GRIN2A: variants seen among roughly 807,000 people sequenced by gnomAD.
GRIN2A encodes glutamate receptor ionotropic, NMDA 2A.
Under a neutral mutation model 113.4 loss-of-function variants are expected in GRIN2A, and 22 were observed. The observed-to-expected ratio is 0.19, with a 90% CI of 0.14 to 0.28. GRIN2A has a LOEUF of 0.28. Among genes scored for constraint, GRIN2A ranks in the 10% least tolerant of loss-of-function variants. GRIN2A has a pLI of 1.00. For missense variants in GRIN2A, 1,502 were observed against 1,887.0 expected, an observed-to-expected ratio of 0.80 and a Z score of 3.78; for synonymous variants, 827 against 738.4, an observed-to-expected ratio of 1.12 and a Z score of -1.94.
At chr16:9,778,504 T>C (rs1470624698) in intron 11 of GRIN2A, among the ~76,000 whole-genome samples, 1 of 152,106 alleles carries the variant, frequency 6.6e-6, no homozygotes. Context: ...CACAAAGGAG[T>C]TCTTGTGTTT....
At chr16:10,120,019 T>C (rs2048804754) in intron 2 of GRIN2A, among the ~76,000 whole-genome samples, 1 of 152,210 alleles carries the variant, frequency 6.6e-6, no homozygotes, top group Non-Finnish European at 1.5e-5. Flanking sequence ...GTATTTGCTA[T>C]TGTGAATAGG....
At chr16:10,085,331 C>G (rs1397943149) in intron 2 of GRIN2A, among the ~76,000 whole-genome samples, 2 of 152,094 alleles carry the variant, frequency 1.3e-5, no homozygotes, top group Non-Finnish European at 2.9e-5. Flanking sequence ...TATACATACT[C>G]AAGTTATAGG....
chr16:9,807,442 ACAGAG>A (rs2042005135), intron 10 of GRIN2A, among the ~76,000 whole-genome samples: 1 of 150,780 alleles, frequency 6.6e-6, no homozygotes, highest in African/African-American at 2.4e-5. Context: ...AGAGACAGAG[ACAGAG>A]AGAGAGAGAA....
intron 3 of GRIN2A, among the ~76,000 whole-genome samples, chr16:9,929,258 G>T (rs543507054): frequency 9.9e-5 from 15 of 151,302 alleles, no homozygotes; most frequent in African/African-American, 3.2e-4. Context: ...TCTTCTCTCT[G>T]ATTGCCTACT....
chr16:9,763,813 T>C lies in GRIN2A; in HGVS notation c.3731A>G (p.Asn1244Ser). 6.2e-7 allele frequency: 1 copy of C among 1,614,000 alleles called. No individual in the cohort carries two copies. The highest frequency in any genetic ancestry group is 1.1e-5 in the South Asian group (1 of 91,072). Residue 1244 changes from asparagine to serine, a missense_variant, in exon 13 of 13, where the codon AAC becomes AGC. This residue lies in a region of GRIN2A where 832 missense variants were observed against 789.7 expected (regional missense o/e 1.05). Transcript: ENST00000330684. ...FKCDACLRMG[N>S]LYDIDEDQML... is the part of the protein sequence containing the mutation. The stretch of plus-strand genomic sequence containing the variant: ...CTGGTCTTCATCGATGTCATAGAGG[T>C]TCCCCATCCGCAGGCAGGCATCGCA...
chr16:9,789,024 G>C (rs939119092), intron 11 of GRIN2A, among the ~76,000 whole-genome samples: 3 of 152,144 alleles, frequency 2.0e-5, no homozygotes, highest in African/African-American at 7.2e-5. Flanking sequence ...TTACAGGTGT[G>C]AGCCACTGCA....
At chr16:9,910,325 T>C (rs1329395169) in intron 3 of GRIN2A, among the ~76,000 whole-genome samples, 1 of 151,876 alleles carries the variant, frequency 6.6e-6, no homozygotes, top group Non-Finnish European at 1.5e-5. Context: ...TGCCACTGAA[T>C]TATACAGTTT....
chr16:9,822,188 G>C, intron 10 of GRIN2A, 76 bp downstream of exon 10: 4 of 1,410,604 alleles, frequency 2.8e-6, no homozygotes, highest in Non-Finnish European at 4.0e-6. Context: ...GATAGGAACT[G>C]AGGCATGCCG....
intron 4 of GRIN2A, among the ~76,000 whole-genome samples, chr16:9,854,992 T>G (rs1398656005): frequency 6.8e-6 from 1 of 147,558 alleles, no homozygotes; most frequent in Non-Finnish European, 1.5e-5. Context: ...GCAAGCACGC[T>G]TGTGTGTGTG....
chr16:9,927,367 C>T (rs892823365), intron 3 of GRIN2A, among the ~76,000 whole-genome samples: 1 of 152,142 alleles, frequency 6.6e-6, no homozygotes, highest in Non-Finnish European at 1.5e-5. Context: ...AAGATGGGTA[C>T]ATGACCTAAT....
chr16:9,818,475 A>G (rs939298842), intron 10 of GRIN2A, among the ~76,000 whole-genome samples: 1 of 152,174 alleles, frequency 6.6e-6, no homozygotes, highest in Non-Finnish European at 1.5e-5. Context: ...CACTACAAAA[A>G]AGATAAAATC....
At chr16:10,135,137 G>T (rs550479845) in intron 2 of GRIN2A, among the ~76,000 whole-genome samples, 1 of 152,298 alleles carries the variant, frequency 6.6e-6, no homozygotes, top group South Asian at 2.1e-4. Flanking sequence ...AAACCAGGCT[G>T]CCCCTTCAAC....
chr16:9,994,706 A>G (rs60547225), intron 2 of GRIN2A, among the ~76,000 whole-genome samples: 13,601 of 152,252 alleles, frequency 0.089, 713 homozygotes, highest in Non-Finnish European at 0.11. Flanking sequence ...CTTCTGAACT[A>G]AGTTTCAGGT....
chr16:9,908,773 G>C (rs947698313), intron 3 of GRIN2A, among the ~76,000 whole-genome samples: 3 of 152,204 alleles, frequency 2.0e-5, no homozygotes, highest in African/African-American at 7.2e-5. Flanking sequence ...GCAAGAGAGA[G>C]TGGCAAGATG....
At chr16:9,946,769 A>G (rs1431383821) in intron 2 of GRIN2A, among the ~76,000 whole-genome samples, 1 of 152,190 alleles carries the variant, frequency 6.6e-6, no homozygotes, top group Non-Finnish European at 1.5e-5. Flanking sequence ...TTGAACTTGG[A>G]TGGATGTTCT....
At chr16:10,024,127 C>T (rs930069851) in intron 2 of GRIN2A, among the ~76,000 whole-genome samples, 1 of 152,212 alleles carries the variant, frequency 6.6e-6, no homozygotes, top group East Asian at 1.9e-4. Context: ...TCAAATCGAG[C>T]CCATGAGGCT....
chr16:9,942,647 C>A (rs2044911747), intron 2 of GRIN2A, among the ~76,000 whole-genome samples: 1 of 152,158 alleles, frequency 6.6e-6, no homozygotes, highest in African/African-American at 2.4e-5. Context: ...CTCTCCAGGT[C>A]CACTGACATG....
intron 11 of GRIN2A, among the ~76,000 whole-genome samples, chr16:9,774,914 C>T (rs904024140): frequency 1.3e-5 from 2 of 152,156 alleles, no homozygotes; most frequent in African/African-American, 4.8e-5. Flanking sequence ...ATTCCAAGAA[C>T]GCAAGTCCAG....
chr16:10,110,870 C>T (rs1049373601), intron 2 of GRIN2A, among the ~76,000 whole-genome samples: 1 of 152,212 alleles, frequency 6.6e-6, no homozygotes, highest in Non-Finnish European at 1.5e-5. Context: ...GAGGGCCGCC[C>T]TCTGAATACA....
Sources: allele counts gnomAD v4.1 joint callset (sites outside exome capture counted in the v4.1 genomes callset), GRCh38; gene constraint gnomAD v4.1.1; regional missense constraint gnomAD v4.1.1; transcripts MANE v1.5; gene names NCBI Gene and HGNC (gene_info 2026-07-23, HGNC 2026-07-21).